Variants in EML5 observed in about 807,000 individuals in gnomAD.
EML5 encodes EMAP like 5, also known as echinoderm microtubule-associated protein-like 5.
In EML5, 120 loss-of-function variants were observed where a neutral mutation model predicts 250.0. The observed-to-expected ratio is 0.48, with a 90% confidence interval of 0.41 to 0.56. The LOEUF is 0.56. Ranked by LOEUF, EML5 falls within the 20% of genes least tolerant of loss-of-function variation. The probability of loss-of-function intolerance (pLI) is 0.00; values close to 1 mark genes in which losing one functional copy is unlikely to be tolerated. For synonymous variants in EML5, 771 were observed against 806.5 expected (o/e 0.96, Z 0.75); for missense variants, 2,006 against 2,437.6 (o/e 0.82, Z 3.73).
chr14:88,764,666 ACTGAC>A (rs1251589011), intron 1 of EML5, among the ~76,000 whole-genome samples: 3 of 152,178 alleles, frequency 2.0e-5, no homozygotes, highest in Non-Finnish European at 4.4e-5. Flanking sequence ...CTCCTAGATT[ACTGAC>A]CTGAGATTAT....
chr14:88,727,016 G>A (rs1221156767), intron 7 of EML5, among the ~76,000 whole-genome samples: 2 of 151,918 alleles, frequency 1.3e-5, no homozygotes, highest in African/African-American at 4.8e-5. Context: ...CTACAGGAAT[G>A]TGCCACCCAA....
At chr14:88,687,135 G>T in intron 19 of EML5, 81 bp downstream of exon 19, 4 of 1,068,704 alleles carry the variant, frequency 3.7e-6, no homozygotes, top group Non-Finnish European at 5.5e-6. Context: ...CATGCCATGT[G>T]TTCCACCTCA....
intron 21 of EML5, among the ~76,000 whole-genome samples, chr14:88,666,143 T>C (rs2140996218): frequency 6.6e-6 from 1 of 152,326 alleles, no homozygotes; most frequent in African/African-American, 2.4e-5. Flanking sequence ...AAGCCAATGA[T>C]ATATGTGGAA....
At chr14:88,721,186 C>T (rs1205631809) in intron 8 of EML5, among the ~76,000 whole-genome samples, 2 of 152,140 alleles carry the variant, frequency 1.3e-5, no homozygotes, top group African/African-American at 4.8e-5. Flanking sequence ...AATTGCCATC[C>T]TGCCCAAAGT....
In EML5 at chr14:88,613,827, G is replaced by A. The variant is rs1168908568; in HGVS notation, c.*1991C>T. The stretch of plus-strand genomic sequence containing the variant: ...ACTGCACACAAAAATAATTATCTGG[G>A]TTAAAAAAGTAAACATAGGGCAGAT... On this transcript the variant is annotated 3_prime_UTR_variant, in exon 44 of 44. Coordinates refer to ENST00000554922, the MANE Select transcript of EML5 (RefSeq NM_183387.3). The A allele has an allele frequency of 6.6e-6, 1 of 152,110 alleles. No homozygotes were observed. The highest frequency in any genetic ancestry group is 1.5e-5 in the Non-Finnish European group (1 of 68,024). The allele number at this position is 152,110 out of a possible 1,614,324, so 9.4% of individuals were successfully genotyped here. A position where few individuals can be genotyped will look rare whatever the true frequency, so the allele number is the denominator to read the frequency against.
chr14:88,722,562 AATGAGAACT>A (rs2093606508), intron 8 of EML5, among the ~76,000 whole-genome samples: 1 of 152,164 alleles, frequency 6.6e-6, no homozygotes, highest in Non-Finnish European at 1.5e-5. Flanking sequence ...GGAGCTGAAC[AATGAGAACT>A]ATGGACACAG....
chr14:88,646,346 C>T (rs1595356968), intron 29 of EML5, among the ~76,000 whole-genome samples: 1 of 152,066 alleles, frequency 6.6e-6, no homozygotes, highest in African/African-American at 2.4e-5. Context: ...AGTAAACATC[C>T]TTTTCAAGAA....
rs539150964 is a variant in EML5 at position 88,614,848 on chromosome 14, C to A, written c.*970G>T. 3 of 152,154 alleles carry A rather than the reference C, an allele frequency of 2.0e-5. No homozygotes were observed. The highest frequency in any genetic ancestry group is 2.9e-5 in the Non-Finnish European group (2 of 67,994). The allele number at this position is 152,154 out of a possible 1,614,324, so 9.4% of individuals were successfully genotyped here. ...AATAAACCTATGGAGTGGCACACAT[C>A]TAAACAAATTTTCCCAATAGAAAAA... On this transcript the variant is annotated 3_prime_UTR_variant, in exon 44 of 44. Transcript: ENST00000554922.
At chr14:88,673,907 T>C (rs1047646665) in intron 21 of EML5, among the ~76,000 whole-genome samples, 3 of 152,184 alleles carry the variant, frequency 2.0e-5, no homozygotes, top group African/African-American at 4.8e-5. Flanking sequence ...TCCATGCTCA[T>C]ACATAGGAAG....
chr14:88,653,488 G>T (rs1325786739), intron 27 of EML5, among the ~76,000 whole-genome samples: 1 of 152,166 alleles, frequency 6.6e-6, no homozygotes, highest in Non-Finnish European at 1.5e-5. Context: ...CTAGTTTATT[G>T]AGAGTTTTTA....
At position 88,745,167 on chromosome 14, in the gene EML5, T is replaced by TTGTTTGTGTGTGTGTG. The variant is rs148282706; in HGVS notation, c.456+1017_456+1018insCACACACACACAAACA. Among the ~76,000 whole-genome samples the TTGTTTGTGTGTGTGTG allele has an allele frequency of 2.9e-3, 417 of 145,268 alleles. 2 individuals carry two copies. The highest frequency in any genetic ancestry group is 0.01 in the Middle Eastern group (3 of 286). ...TTTAATAATGGTCTAAATTGTGTGT[T>TTGTTTGTGTGTGTGTG]TGTGTGTGTGTGTGTGTGTGTGTGT... On this transcript the variant is annotated intron_variant, in intron 3 of 43. Transcript: ENST00000554922.
At chr14:88,618,052 G>C in intron 41 of EML5, 176 bp downstream of exon 41, 1 of 413,140 alleles carries the variant, frequency 2.4e-6, no homozygotes, top group Non-Finnish European at 4.2e-6. Flanking sequence ...GATAAAACAT[G>C]GAAATATATT....
intron 7 of EML5, among the ~76,000 whole-genome samples, chr14:88,734,911 T>C (rs1333798762): frequency 1.3e-5 from 2 of 152,134 alleles, no homozygotes; most frequent in Non-Finnish European, 2.9e-5. Context: ...GCAAACGCAA[T>C]ATATGAAGCT....
chr14:88,664,343 T>C lies in EML5; in HGVS notation c.3409+150A>G, dbSNP rs564289092. ...CAACTCTATAGTATTCATCTTCAGA[T>C]GTAAAATAGTAAAAAATAATTTTGA... On this transcript the variant is annotated intron_variant, in intron 23 of 43. Coordinates refer to ENST00000554922, the MANE Select transcript of EML5 (RefSeq NM_183387.3). The C allele has an allele frequency of 3.3e-4, 203 of 621,826 alleles. No individual in the cohort carries two copies. In the South Asian group the frequency reaches 5.8e-3, roughly 18 times the overall value. 38.5% of individuals were successfully genotyped at this position (621,826 alleles called of 1,614,324 possible). A position where few individuals can be genotyped will look rare whatever the true frequency, so the allele number is the denominator to read the frequency against.
chr14:88,689,164 A>G (rs1045395434), intron 17 of EML5, among the ~76,000 whole-genome samples: 1 of 152,204 alleles, frequency 6.6e-6, no homozygotes, highest in Non-Finnish European at 1.5e-5. Flanking sequence ...TTTTGCTATT[A>G]AAAGCAATGC....
chr14:88,751,117 T>C (rs978688470), intron 2 of EML5, among the ~76,000 whole-genome samples: 4 of 152,306 alleles, frequency 2.6e-5, no homozygotes, highest in South Asian at 2.1e-4. Flanking sequence ...GTAGGCTTGA[T>C]AAACATATCA....
chr14:88,660,393 T>C (rs889299827), intron 25 of EML5, among the ~76,000 whole-genome samples: 3 of 151,444 alleles, frequency 2.0e-5, no homozygotes, highest in Non-Finnish European at 4.4e-5. Context: ...CAGAGGGAAG[T>C]GATAAAAGAA....
intron 31 of EML5, among the ~76,000 whole-genome samples, chr14:88,640,927 C>T (rs1393032366): frequency 2.0e-5 from 3 of 151,868 alleles, no homozygotes; most frequent in African/African-American, 7.3e-5. Context: ...ATTATGAACA[C>T]CTCTAAATAC....
At chr14:88,637,490 G>A (rs1197443668) in intron 32 of EML5, among the ~76,000 whole-genome samples, 1 of 152,094 alleles carries the variant, frequency 6.6e-6, no homozygotes, top group Non-Finnish European at 1.5e-5. Flanking sequence ...GAGAGCAAAG[G>A]AAAGAAAAGG....
Sources: gnomAD v4.1 joint callset for allele counts (sites outside exome capture counted in the v4.1 genomes callset) on GRCh38, gnomAD v4.1.1 for gene constraint, MANE v1.5 for transcripts, NCBI Gene and HGNC (gene_info 2026-07-23, HGNC 2026-07-21) for gene names.